Variants in PHACTR1 observed in about 807,000 individuals in gnomAD.
The protein encoded by PHACTR1 is phosphatase and actin regulator 1, also known as RPEL repeat containing 1.
Under a neutral mutation model 69.2 loss-of-function variants are expected in PHACTR1, and 16 were observed. The ratio of observed to expected loss-of-function variants is 0.23; its 90% confidence interval spans 0.16 to 0.35. PHACTR1 has a LOEUF of 0.35. Among genes scored for constraint, PHACTR1 ranks in the 10% least tolerant of loss-of-function variants. The probability of loss-of-function intolerance (pLI) is 1.00; values close to 1 mark genes in which losing one functional copy is unlikely to be tolerated. For missense variants in PHACTR1, 510 were observed against 734.7 expected, an observed-to-expected ratio of 0.69 and a Z score of 3.54; for synonymous variants, 312 against 284.5, an observed-to-expected ratio of 1.10 and a Z score of -0.97.
At position 12,797,870 on chromosome 6, in the gene PHACTR1, A is replaced by G. The variant is rs540092337; in HGVS notation, c.250+48080A>G. 6.6e-5 allele frequency among the ~76,000 whole-genome samples: 10 copies of G among 152,196 alleles called. No individual in the cohort carries two copies. The East Asian group carries it at 1.2e-3, about 18-fold the overall frequency. ...TTTCTGTGATTTAGGTCTCATCTCA[A>G]ATGTCACTTCATCAAAGAGGCCATT... On this transcript the variant is annotated intron_variant, in intron 4 of 14. Coordinates refer to ENST00000332995, the MANE Select transcript of PHACTR1 (RefSeq NM_030948.6).
chr6:13,215,741 C>G (rs146725297), intron 8 of PHACTR1, among the ~76,000 whole-genome samples: 1 of 152,308 alleles, frequency 6.6e-6, no homozygotes, highest in East Asian at 1.9e-4. Flanking sequence ...CCAACTCTAA[C>G]TGCAGATTAG....
intron 4 of PHACTR1, among the ~76,000 whole-genome samples, chr6:12,845,061 T>TA (rs1779068895): frequency 6.6e-6 from 1 of 152,254 alleles, no homozygotes; most frequent in Non-Finnish European, 1.5e-5. Flanking sequence ...GCCATAATGG[T>TA]ATACATGTAA....
chr6:12,828,304 T>C (rs1561921487), intron 4 of PHACTR1, among the ~76,000 whole-genome samples: 1 of 152,232 alleles, frequency 6.6e-6, no homozygotes, highest in Admixed American at 6.5e-5. Flanking sequence ...TTGATTCTTA[T>C]ACAGTACATT....
intron 4 of PHACTR1, among the ~76,000 whole-genome samples, chr6:13,000,364 A>G (rs1482106642): frequency 6.6e-6 from 1 of 152,146 alleles, no homozygotes; most frequent in East Asian, 1.9e-4. Context: ...CCTGGGCAAC[A>G]TCGTGAGACC....
chr6:12,803,859 C>T (rs528208349), intron 4 of PHACTR1, among the ~76,000 whole-genome samples: 92 of 152,250 alleles, frequency 6.0e-4, no homozygotes, highest in Admixed American at 9.8e-4. Context: ...GACAAGTGTC[C>T]CTGGGAGACA....
chr6:12,718,651 T>G (rs1761707122), intron 2 of PHACTR1, 48 bp from the exon 3 acceptor site: 5 of 559,422 alleles, frequency 8.9e-6, no homozygotes, highest in Non-Finnish European at 1.6e-5. Flanking sequence ...TATATACACT[T>G]TATACTTGAC....
At chr6:13,277,607 A>G (rs1779187492) in intron 11 of PHACTR1, among the ~76,000 whole-genome samples, 1 of 152,184 alleles carries the variant, frequency 6.6e-6, no homozygotes, top group South Asian at 2.1e-4. Flanking sequence ...CAAAGAAAGG[A>G]GCCTCACATC....
At chr6:13,054,695 A>G (rs1260320873) in intron 5 of PHACTR1, among the ~76,000 whole-genome samples, 5 of 152,332 alleles carry the variant, frequency 3.3e-5, no homozygotes, top group African/African-American at 1.2e-4. Context: ...CCCTACCTGC[A>G]TGACCTCATC....
chr6:13,231,053 A>C (rs1247224747), intron 10 of PHACTR1, among the ~76,000 whole-genome samples: 1 of 1,564 alleles, frequency 6.4e-4, no homozygotes, highest in African/African-American at 1.2e-3. Context: ...GAAAGGAAGG[A>C]AGGAAGGAAG....
intron 5 of PHACTR1, among the ~76,000 whole-genome samples, chr6:13,059,495 A>ACACACACACAC (rs1561767930): frequency 6.9e-6 from 1 of 144,480 alleles, no homozygotes; most frequent in African/African-American, 2.7e-5. Context: ...CACACACACA[A>ACACACACACAC]AACCCACAGA....
chr6:13,002,263 G>A (rs761460805), intron 4 of PHACTR1, among the ~76,000 whole-genome samples: 7 of 152,028 alleles, frequency 4.6e-5, no homozygotes, highest in Admixed American at 6.6e-5. Context: ...TTTCTTTCAC[G>A]GCCTGGCAAA....
chr6:12,906,400 C>T (rs191134704), intron 4 of PHACTR1, among the ~76,000 whole-genome samples: 3 of 152,284 alleles, frequency 2.0e-5, no homozygotes, highest in Admixed American at 2.0e-4. Context: ...TTTAAAGATG[C>T]TTTCAGAGCT....
chr6:12,866,908 G>A (rs902290771), intron 4 of PHACTR1, among the ~76,000 whole-genome samples: 3 of 152,126 alleles, frequency 2.0e-5, no homozygotes, highest in East Asian at 1.9e-4. Flanking sequence ...ACGTGGTACC[G>A]TATGGATTTC....
chr6:12,943,437 C>T (rs1295238337), intron 4 of PHACTR1, among the ~76,000 whole-genome samples: 3 of 152,132 alleles, frequency 2.0e-5, no homozygotes, highest in Non-Finnish European at 4.4e-5. Context: ...TACGTAGTGT[C>T]GATGGCTGCA....
chr6:13,113,927 T>C (rs1583417983), intron 5 of PHACTR1, among the ~76,000 whole-genome samples: 2 of 152,166 alleles, frequency 1.3e-5, no homozygotes, highest in East Asian at 3.9e-4. Context: ...AAAAACCAGG[T>C]TCCAACTGGA....
chr6:13,205,919 T>C lies in PHACTR1; in HGVS notation c.769T>C (p.Ser257Pro). 6.2e-7 allele frequency: 1 copy of C among 1,613,932 alleles called. No individual in the cohort carries two copies. Among genetic ancestry groups the C allele is most frequent in the East Asian group, 2.2e-5 (1 of 44,884 alleles). Residue 257 changes from serine (S) to proline (P), a missense_variant, in exon 8 of 15, where the codon TCA (serine) becomes CCA (proline). Physicochemically the swap from Ser to Pro is moderately conservative, Grantham distance 74. Around this residue, in one of 2 missense-constraint regions of PHACTR1, gnomAD observed 419 missense variants for 530.9 expected, o/e 0.79. Coordinates refer to ENST00000332995, the MANE Select transcript of PHACTR1 (RefSeq NM_030948.6). ...ICMPVGGPDLSLVSYTAQKSG... is the reference protein window; with the variant it reads ...ICMPVGGPDLPLVSYTAQKSG... The stretch of plus-strand genomic sequence containing the variant: ...TATGCCCGTGGGGGGGCCAGACCTC[T>C]CACTGGTGTCCTACACAGCCCAGAA...
chr6:12,898,629 C>T (rs1469052992), intron 4 of PHACTR1, among the ~76,000 whole-genome samples: 1 of 152,244 alleles, frequency 6.6e-6, no homozygotes, highest in African/African-American at 2.4e-5. Context: ...CATTGACTCG[C>T]ACTGGGACCA....
chr6:13,207,411 G>C (rs1464081283), intron 8 of PHACTR1, among the ~76,000 whole-genome samples: 1 of 152,118 alleles, frequency 6.6e-6, no homozygotes, highest in African/African-American at 2.4e-5. Context: ...GCTAATATTT[G>C]GCCACTACCA....
chr6:12,738,147 T>C (rs193236866), intron 3 of PHACTR1, among the ~76,000 whole-genome samples: 13 of 152,208 alleles, frequency 8.5e-5, no homozygotes, highest in Admixed American at 8.5e-4. Context: ...CACCCTTAAT[T>C]TGTCTTTAAA....
Sources: allele counts gnomAD v4.1 joint callset (sites outside exome capture counted in the v4.1 genomes callset), GRCh38; gene constraint gnomAD v4.1.1; regional missense constraint gnomAD v4.1.1; transcripts MANE v1.5; gene names NCBI Gene and HGNC (gene_info 2026-07-23, HGNC 2026-07-21).